The following PLPP3 variants were observed in gnomAD, a reference collection of about 807,000 sequenced individuals.
The protein encoded by PLPP3 is PAP2 beta.
A neutral mutation model predicts 29.6 loss-of-function variants in PLPP3; 6 were observed. The ratio of observed to expected loss-of-function variants is 0.20; its 90% CI spans 0.11 to 0.40. The LOEUF (loss-of-function observed/expected upper bound fraction) is 0.40, where lower values mean the gene tolerates loss of function less well. Ranked by LOEUF, PLPP3 falls within the 10% of genes least tolerant of loss-of-function variation. The probability of loss-of-function intolerance (pLI) is 1.00; values close to 1 mark genes in which losing one functional copy is unlikely to be tolerated. For synonymous variants in PLPP3, 152 were observed against 159.7 expected (o/e 0.95, Z 0.36); for missense variants, 308 against 407.7 (o/e 0.76, Z 2.11).
Position 56,537,075 on chromosome 1 carries a change from G to C in PLPP3, c.177C>G (p.Ile59Met). ...AGTAAAACCCTCGGTGGTAAGGCTTGATGGTGCTTGTCTCGATGATGAGGA... is the reference window on the plus strand; with the variant it reads ...AGTAAAACCCTCGGTGGTAAGGCTTCATGGTGCTTGTCTCGATGATGAGGA... ...LPFLIIETST[I>M]KPYHRGFYCN... The change falls in exon 2 of 6, where the codon ATC becomes ATG. Residue 59 changes from isoleucine to methionine, a missense_variant. Ile to Met is a conservative substitution (Grantham distance 10). Around this residue, in one of 3 missense-constraint regions of PLPP3, gnomAD observed 9 missense variants for 29.3 expected, o/e 0.31. Coordinates refer to ENST00000371250, the MANE Select transcript of PLPP3 (RefSeq NM_003713.5). The C allele has an allele frequency of 6.2e-7, 1 of 1,613,580 alleles. No homozygotes were observed. Among genetic ancestry groups the C allele is most frequent in the Non-Finnish European group, 8.5e-7 (1 of 1,179,814 alleles).
At chr1:56,520,136 G>A (rs753925479) in intron 4 of PLPP3, among the ~76,000 whole-genome samples, 3 of 152,152 alleles carry the variant, frequency 2.0e-5, no homozygotes, top group Non-Finnish European at 4.4e-5. Flanking sequence ...TCTGACAGAT[G>A]GGGAAAGTGG....
rs1645621864 is a variant in PLPP3, at chr1:56,494,978, T to C, written c.*1573A>G. 2 of 152,628 alleles carry C rather than the reference T, an allele frequency of 1.3e-5. No homozygotes were observed. Among genetic ancestry groups the C allele is most frequent in the Admixed American group, 1.3e-4 (2 of 15,286 alleles). The allele number at this position is 152,628 out of a possible 1,614,324, so 9.5% of individuals were successfully genotyped here. A position where few individuals can be genotyped will look rare whatever the true frequency, so the allele number is the denominator to read the frequency against. On this transcript the variant is annotated 3_prime_UTR_variant, in exon 6 of 6. Transcript: ENST00000371250. ...CAATGTCTACCACAGAACTATGATATTTTAGTTGATATTTAAAAAAATTAA... is the reference window on the plus strand; with the variant it reads ...CAATGTCTACCACAGAACTATGATACTTTAGTTGATATTTAAAAAAATTAA...
chr1:56,549,104 T>G (rs1387773111), intron 1 of PLPP3, among the ~76,000 whole-genome samples: 1 of 152,220 alleles, frequency 6.6e-6, no homozygotes, highest in African/African-American at 2.4e-5. Flanking sequence ...TGAAAGATGT[T>G]AATGTTGTTA....
chr1:56,573,931 G>C (rs946630666), intron 1 of PLPP3, among the ~76,000 whole-genome samples: 16 of 152,286 alleles, frequency 1.1e-4, no homozygotes, highest in African/African-American at 3.8e-4. Context: ...GCCTGGCACG[G>C]TGGCTCACAC....
chr1:56,541,503 T>C (rs988162699), intron 1 of PLPP3, among the ~76,000 whole-genome samples: 6 of 152,278 alleles, frequency 3.9e-5, no homozygotes, highest in Non-Finnish European at 8.8e-5. Flanking sequence ...AGGCATTGAC[T>C]GGGCCACTGA....
Position 56,561,878 on chromosome 1 carries a change from T to TA in PLPP3, c.139+16999dup, listed in dbSNP as rs566328545. 1.5e-4 allele frequency among the ~76,000 whole-genome samples: 22 copies of TA among 150,456 alleles called. No individual in the cohort carries two copies. The East Asian group carries it at 4.3e-3, about 30-fold the overall frequency. On this transcript the variant is annotated intron_variant, in intron 1 of 5. Coordinates refer to ENST00000371250, the MANE Select transcript of PLPP3 (RefSeq NM_003713.5). ...GGTGAAACCCTGCCCTTACTAAAAATAAAAAAATTAGCCGGGCATGGTAGC... is the reference window on the plus strand; with the variant it reads ...GGTGAAACCCTGCCCTTACTAAAAATAAAAAAAATTAGCCGGGCATGGTAGC...
chr1:56,555,344 A>T (rs1470500620), intron 1 of PLPP3, among the ~76,000 whole-genome samples: 2 of 143,044 alleles, frequency 1.4e-5, no homozygotes, highest in African/African-American at 2.6e-5. Context: ...CGTTATTGTT[A>T]TACTGGTTCT....
chr1:56,555,433 T>TACAAAAAAAAA (rs1646068363), intron 1 of PLPP3, among the ~76,000 whole-genome samples: 1 of 33,216 alleles, frequency 3.0e-5, no homozygotes, highest in Non-Finnish European at 5.4e-5. Context: ...GGCCAAACAC[T>TACAAAAAAAAA]AAAAAAAAAA....
Position 56,537,096 on chromosome 1 carries a change from G to A in PLPP3, c.156C>T (p.Leu52=), listed in dbSNP as rs755552931. ...GCTTGATGGTGCTTGTCTCGATGAT[G>A]AGGAAGGGGAGGCCCGCTGGTCCAG... is the stretch of plus-strand genomic sequence containing the variant. ...FCLFMAGLPF[L]IIETSTIKPY... is the part of the protein sequence containing the mutation. Residue 52 remains leucine, a synonymous_variant, in exon 2 of 6, where the codon CTC becomes CTT. Transcript: ENST00000371250. 3.0e-5 allele frequency: 49 copies of A among 1,613,458 alleles called. No homozygotes were observed. In the South Asian group the frequency reaches 4.8e-4, roughly 16 times the overall value.
chr1:56,563,242 A>G (rs1646142044), intron 1 of PLPP3, among the ~76,000 whole-genome samples: 1 of 152,218 alleles, frequency 6.6e-6, no homozygotes, highest in African/African-American at 2.4e-5. Flanking sequence ...CTTTTAGGAA[A>G]GGGAGAAAAG....
chr1:56,537,415 T>C (rs1425706245), intron 1 of PLPP3, among the ~76,000 whole-genome samples: 1 of 152,134 alleles, frequency 6.6e-6, no homozygotes. Flanking sequence ...AATACCCTGC[T>C]AAAAATTAAA....
intron 1 of PLPP3, among the ~76,000 whole-genome samples, chr1:56,572,043 G>GTTTTTTTTT (rs375576842): frequency 1.3e-4 from 11 of 85,072 alleles, no homozygotes; most frequent in Non-Finnish European, 1.6e-4. Flanking sequence ...ATCATTTCTG[G>GTTTTTTTTT]TTTTTTTTTT....
At chr1:56,547,574 A>T (rs890256492) in intron 1 of PLPP3, among the ~76,000 whole-genome samples, 1 of 152,260 alleles carries the variant, frequency 6.6e-6, no homozygotes. Flanking sequence ...TAAGAATAAG[A>T]CACTTATCTT....
At chr1:56,567,273 G>C (rs1008625239) in intron 1 of PLPP3, among the ~76,000 whole-genome samples, 1 of 151,624 alleles carries the variant, frequency 6.6e-6, no homozygotes, top group Non-Finnish European at 1.5e-5. Context: ...GTTTCTTTGT[G>C]AAAAATCCCT....
intron 2 of PLPP3, among the ~76,000 whole-genome samples, chr1:56,531,587 A>G (rs1015659498): frequency 6.6e-6 from 1 of 152,192 alleles, no homozygotes; most frequent in Admixed American, 6.5e-5. Flanking sequence ...TCCTCCATAC[A>G]TTTAACTCTC....
chr1:56,576,951 T>C (rs1175805483), intron 1 of PLPP3, among the ~76,000 whole-genome samples: 2 of 152,224 alleles, frequency 1.3e-5, no homozygotes, highest in African/African-American at 4.8e-5. Context: ...TTCACTTTCA[T>C]AAGACACCAT....
At chr1:56,556,427 A>G (rs1006251257) in intron 1 of PLPP3, among the ~76,000 whole-genome samples, 1 of 152,232 alleles carries the variant, frequency 6.6e-6, no homozygotes, top group Non-Finnish European at 1.5e-5. Context: ...ATAGAAGATC[A>G]TATGTATATA....
chr1:56,496,925 G>C (rs1407928938), intron 5 of PLPP3, among the ~76,000 whole-genome samples: 1 of 152,146 alleles, frequency 6.6e-6, no homozygotes, highest in African/African-American at 2.4e-5. Flanking sequence ...CACTTCTAAG[G>C]ACTCTCAGTC....
At chr1:56,497,125 C>CA (rs1645635843) in intron 5 of PLPP3, among the ~76,000 whole-genome samples, 1 of 152,246 alleles carries the variant, frequency 6.6e-6, no homozygotes, top group African/African-American at 2.4e-5. Context: ...CTCCTATCAG[C>CA]AAGAGCTGAA....
Sources: allele counts gnomAD v4.1 joint callset (sites outside exome capture counted in the v4.1 genomes callset), GRCh38; gene constraint gnomAD v4.1.1; regional missense constraint gnomAD v4.1.1; transcripts MANE v1.5; gene names NCBI Gene and HGNC (gene_info 2026-07-23, HGNC 2026-07-21).